The following SYNDIG1 variants were observed in gnomAD, a reference collection of about 807,000 sequenced individuals.
SYNDIG1 encodes synapse differentiation-inducing gene protein 1.
Under a neutral mutation model 19.4 loss-of-function variants are expected in SYNDIG1, and 9 were observed. The ratio of observed to expected loss-of-function variants is 0.46; its 90% CI spans 0.28 to 0.81. The LOEUF (loss-of-function observed/expected upper bound fraction) is 0.81. SYNDIG1 is among the 30% of genes least tolerant of loss of function. The pLI is 0.12. For synonymous variants in SYNDIG1, 141 were observed against 145.9 expected, an observed-to-expected ratio of 0.97 and a Z score of 0.24; for missense variants, 311 against 343.3, an observed-to-expected ratio of 0.91 and a Z score of 0.74.
intron 3 of SYNDIG1, among the ~76,000 whole-genome samples, chr20:24,609,009 A>C (rs2058805850): frequency 6.6e-6 from 1 of 152,228 alleles, no homozygotes; most frequent in Non-Finnish European, 1.5e-5. Context: ...TGGGTTGATC[A>C]GCACATTATA....
At chr20:24,476,538 C>G (rs1014685290) in intron 1 of SYNDIG1, among the ~76,000 whole-genome samples, 3 of 151,856 alleles carry the variant, frequency 2.0e-5, no homozygotes, top group African/African-American at 7.3e-5. Flanking sequence ...GACGTGGTGG[C>G]GGGCACCTGT....
At chr20:24,604,907 A>C (rs770463446) in intron 3 of SYNDIG1, among the ~76,000 whole-genome samples, 3 of 152,072 alleles carry the variant, frequency 2.0e-5, no homozygotes, top group Non-Finnish European at 4.4e-5. Flanking sequence ...TTTTATCCTT[A>C]AGTTCATTAT....
At chr20:24,579,495 T>A (rs531878396) in intron 2 of SYNDIG1, among the ~76,000 whole-genome samples, 1 of 152,072 alleles carries the variant, frequency 6.6e-6, no homozygotes, top group Non-Finnish European at 1.5e-5. Context: ...TAAGATGGAG[T>A]CACTTATGTC....
chr20:24,574,323 TAA>T (rs11347171), intron 2 of SYNDIG1, among the ~76,000 whole-genome samples: 242 of 142,368 alleles, frequency 1.7e-3, no homozygotes, highest in Admixed American at 2.5e-3. Flanking sequence ...ATTAAAAACC[TAA>T]AAAAAAAAAA....
intron 3 of SYNDIG1, among the ~76,000 whole-genome samples, chr20:24,662,442 T>A (rs570504983): frequency 6.6e-6 from 1 of 152,148 alleles, no homozygotes; most frequent in Non-Finnish European, 1.5e-5. Context: ...CCTGGTGGGT[T>A]TCAGGTTGCA....
Position 24,606,401 on chromosome 20 carries a change from A to G in SYNDIG1, c.618+21408A>G, listed in dbSNP as rs535322488. ...CTGGGAAACTATTTCACTGAATTCT[A>G]ATAGATATCTAGCAGATAATTACCC... On this transcript the variant is annotated intron_variant, in intron 3 of 3. Coordinates refer to ENST00000376862, the MANE Select transcript of SYNDIG1 (RefSeq NM_024893.3). Among the ~76,000 whole-genome samples, 6 of 152,310 alleles carry G rather than the reference A, an allele frequency of 3.9e-5. No individual in the cohort carries two copies. In the East Asian group the frequency reaches 9.6e-4, roughly 24 times the overall value.
chr20:24,479,285 C>T (rs1449762064), intron 1 of SYNDIG1, among the ~76,000 whole-genome samples: 1 of 152,154 alleles, frequency 6.6e-6, no homozygotes, highest in Non-Finnish European at 1.5e-5. Context: ...GACCTTCTCC[C>T]CGAGCCCTCA....
intron 3 of SYNDIG1, among the ~76,000 whole-genome samples, chr20:24,624,371 C>A (rs897542725): frequency 2.0e-5 from 3 of 151,298 alleles, no homozygotes; most frequent in Admixed American, 6.6e-5. Context: ...ACTATGCTAA[C>A]ACTAATCAAA....
intron 3 of SYNDIG1, 58 bp downstream of exon 3, chr20:24,585,051 G>A: frequency 1.3e-5 from 12 of 956,960 alleles, no homozygotes; most frequent in East Asian, 3.3e-5. Context: ...GTGGGGGTGG[G>A]GGCGGCAATC....
intron 1 of SYNDIG1, among the ~76,000 whole-genome samples, chr20:24,534,757 T>C (rs1471931570): frequency 1.3e-5 from 2 of 152,340 alleles, no homozygotes; most frequent in African/African-American, 4.8e-5. Flanking sequence ...ACACACTGCC[T>C]GCACACGGTA....
intron 1 of SYNDIG1, chr20:24,502,022 C>T (rs924661832): frequency 5.9e-5 from 9 of 152,504 alleles, no homozygotes; most frequent in Middle Eastern, 3.3e-3. Flanking sequence ...GCGGGCAGGA[C>T]GTTGCTGGGA....
chr20:24,654,650 G>GGA (rs2059505234), intron 3 of SYNDIG1, among the ~76,000 whole-genome samples: 109 of 117,454 alleles, frequency 9.3e-4, no homozygotes, highest in East Asian at 5.7e-3. Context: ...GGGAGGGAGG[G>GGA]AGGAAGGAAG....
chr20:24,538,691 C>T (rs1187331811), intron 1 of SYNDIG1, among the ~76,000 whole-genome samples: 1 of 151,986 alleles, frequency 6.6e-6, no homozygotes, highest in Non-Finnish European at 1.5e-5. Context: ...TTTTCCAAAG[C>T]GACTGCACTG....
At chr20:24,572,127 C>T (rs2058153887) in intron 2 of SYNDIG1, among the ~76,000 whole-genome samples, 1 of 152,234 alleles carries the variant, frequency 6.6e-6, no homozygotes, top group African/African-American at 2.4e-5. Context: ...CTCCCATCTC[C>T]TCAGCTGTAG....
intron 3 of SYNDIG1, chr20:24,596,857 G>A (rs1040821444): frequency 7.2e-5 from 11 of 152,188 alleles, no homozygotes; most frequent in Non-Finnish European, 1.0e-4. Flanking sequence ...ATTGGCCGTC[G>A]ACTGGACACC....
intron 1 of SYNDIG1, among the ~76,000 whole-genome samples, chr20:24,487,316 A>G (rs1426457615): frequency 6.6e-6 from 1 of 152,232 alleles, no homozygotes; most frequent in Non-Finnish European, 1.5e-5. Context: ...TTGGAGGTAG[A>G]AAATCAGTGC....
intron 1 of SYNDIG1, among the ~76,000 whole-genome samples, chr20:24,470,309 C>A (rs2055386600): frequency 1.3e-5 from 2 of 152,200 alleles, no homozygotes; most frequent in African/African-American, 2.4e-5. Flanking sequence ...ATTCTCCGAG[C>A]GGAGCGGCAG....
intron 2 of SYNDIG1, among the ~76,000 whole-genome samples, chr20:24,557,960 G>A (rs2057859752): frequency 1.3e-5 from 2 of 152,372 alleles, no homozygotes; most frequent in Admixed American, 1.3e-4. Flanking sequence ...ATCAGGTGCT[G>A]CAGCCGAGGA....
rs1178440545 is a variant in SYNDIG1 at position 24,658,394 on chromosome 20, C to T, written c.619-6952C>T. On this transcript the variant is annotated intron_variant, in intron 3 of 3. Transcript: ENST00000376862. The surrounding 1 kb of genome is among the most constrained non-coding windows in gnomAD (Gnocchi z 4.4). ...CACTGAGAACTGGGTCCCTGATGGCCGGTGCTCCTCCCCGTGACAGATTCC... is the reference window on the plus strand; with the variant it reads ...CACTGAGAACTGGGTCCCTGATGGCTGGTGCTCCTCCCCGTGACAGATTCC... Among the ~76,000 whole-genome samples the T allele has an allele frequency of 4.6e-5, 7 of 151,972 alleles. No individual in the cohort carries two copies. Among genetic ancestry groups the T allele is most frequent in the Non-Finnish European group, 1.0e-4 (7 of 67,972 alleles).
Sources: allele counts gnomAD v4.1 joint callset (sites outside exome capture counted in the v4.1 genomes callset), GRCh38; gene constraint gnomAD v4.1.1; non-coding constraint Gnocchi (gnomAD v3.1); transcripts MANE v1.5; gene names NCBI Gene and HGNC (gene_info 2026-07-23, HGNC 2026-07-21).